ZNF407: variants seen among roughly 807,000 people sequenced by gnomAD.
ZNF407 encodes the protein zinc finger protein 407.
ZNF407 carries 17 observed loss-of-function variants against 131.2 expected under a neutral mutation model. That is an observed-to-expected ratio of 0.13 (90% CI 0.09 to 0.19). The LOEUF (loss-of-function observed/expected upper bound fraction) is 0.19. Among genes scored for constraint, ZNF407 ranks in the 10% least tolerant of loss-of-function variants. The probability of loss-of-function intolerance (pLI) is 1.00; values close to 1 mark genes in which losing one functional copy is unlikely to be tolerated. For missense variants in ZNF407, 2,681 were observed against 2,830.6 expected (o/e 0.95, Z 1.20); for synonymous variants, 1,156 against 1,062.0 (o/e 1.09, Z -1.72).
intron 8 of ZNF407, among the ~76,000 whole-genome samples, chr18:75,037,746 G>A (rs760922197): frequency 1.3e-5 from 2 of 152,138 alleles, no homozygotes; most frequent in Non-Finnish European, 2.9e-5. Context: ...GAAAGACTGC[G>A]ATCTGTGCCT....
rs375736937 is a variant in ZNF407 at position 74,891,761 on chromosome 18, G to A, written c.5249+1723G>A. Among the ~76,000 whole-genome samples, 47 of 152,252 alleles carry A rather than the reference G, an allele frequency of 3.1e-4. 2 individuals carry two copies. The South Asian group carries it at 9.3e-3, about 30-fold the overall frequency. ...AGATCATGCAGTAGTTGGAGTTCTT[G>A]TAAAACACAGAAAAGCCATTAGAAA... On this transcript the variant is annotated intron_variant, in intron 7 of 8. Coordinates refer to ENST00000299687, the MANE Select transcript of ZNF407 (RefSeq NM_017757.3).
At chr18:74,849,183 A>G (rs1015701635) in intron 4 of ZNF407, among the ~76,000 whole-genome samples, 3 of 151,184 alleles carry the variant, frequency 2.0e-5, no homozygotes, top group African/African-American at 4.9e-5. Flanking sequence ...GTTTCAAGCA[A>G]TTCTCCTGCC....
rs1014534385 is a variant in ZNF407 at position 74,618,118 on chromosome 18, A to G, written c.-53-12849A>G. Among the ~76,000 whole-genome samples the G allele has an allele frequency of 4.6e-5, 7 of 152,102 alleles. No individual in the cohort carries two copies. The East Asian group carries it at 5.8e-4, about 13-fold the overall frequency. On this transcript the variant is annotated intron_variant, in intron 1 of 8. Coordinates refer to ENST00000299687, the MANE Select transcript of ZNF407 (RefSeq NM_017757.3). ...GGGACCGCATTATTTGGGTGCTCCA[A>G]TTGTCCGAGATTTGGTCAGGGGAAG...
chr18:75,054,035 G>A (rs944188262), intron 8 of ZNF407, among the ~76,000 whole-genome samples: 6 of 152,206 alleles, frequency 3.9e-5, no homozygotes, highest in Non-Finnish European at 7.3e-5. Flanking sequence ...CAAAGAGCCC[G>A]GGCCTTCCCG....
intron 8 of ZNF407, among the ~76,000 whole-genome samples, chr18:74,935,367 A>G (rs1444828951): frequency 1.3e-5 from 2 of 152,216 alleles, no homozygotes; most frequent in Non-Finnish European, 2.9e-5. Context: ...TTCTTAGAGC[A>G]TCTGGTCAAC....
At chr18:74,833,148 CACA>C (rs1970508832) in intron 4 of ZNF407, among the ~76,000 whole-genome samples, 1 of 152,164 alleles carries the variant, frequency 6.6e-6, no homozygotes, top group Non-Finnish European at 1.5e-5. Flanking sequence ...GAATAGATTA[CACA>C]ACAAGGAAAG....
intron 1 of ZNF407, among the ~76,000 whole-genome samples, chr18:74,604,296 G>A (rs1210164034): frequency 6.6e-6 from 1 of 152,164 alleles, no homozygotes; most frequent in Non-Finnish European, 1.5e-5. Flanking sequence ...GCATCCGTGT[G>A]GCAAGTTCCC....
chr18:75,028,981 C>T (rs1973204519), intron 8 of ZNF407, among the ~76,000 whole-genome samples: 1 of 152,202 alleles, frequency 6.6e-6, no homozygotes, highest in Non-Finnish European at 1.5e-5. Flanking sequence ...TCGGGATATT[C>T]TGCCCACAGA....
chr18:74,666,379 G>A (rs933256263), intron 3 of ZNF407, among the ~76,000 whole-genome samples: 3 of 152,164 alleles, frequency 2.0e-5, no homozygotes, highest in Admixed American at 2.0e-4. Context: ...TCTGTGTTCA[G>A]GTAGAGAGGA....
rs539971868 is a variant in ZNF407 at position 74,792,354 on chromosome 18, GTTAA to G, written c.4877+10857_4877+10860del. On this transcript the variant is annotated intron_variant, in intron 4 of 8. Transcript: ENST00000299687. ...AAATTAGACCCAAATTTTCTTTGAA[GTTAA>G]TTAAAACAATAATTTCTCCTTTCAT... Among the ~76,000 whole-genome samples the G allele has an allele frequency of 1.1e-3, 171 of 151,720 alleles. 2 individuals are homozygous for G. Among genetic ancestry groups the G allele is most frequent in the South Asian group, 3.3e-3 (16 of 4,782 alleles).
At chr18:74,981,686 C>T (rs1015166840) in intron 8 of ZNF407, among the ~76,000 whole-genome samples, 2 of 152,112 alleles carry the variant, frequency 1.3e-5, no homozygotes, top group African/African-American at 2.4e-5. Context: ...GGGGAGGACG[C>T]GGCGTGGACC....
At chr18:74,726,594 G>A (rs1968164349) in intron 3 of ZNF407, among the ~76,000 whole-genome samples, 1 of 152,106 alleles carries the variant, frequency 6.6e-6, no homozygotes, top group Non-Finnish European at 1.5e-5. Flanking sequence ...AACATGCCTT[G>A]TTTTGCTACC....
chr18:75,035,626 G>T (rs1973299407), intron 8 of ZNF407, among the ~76,000 whole-genome samples: 1 of 152,230 alleles, frequency 6.6e-6, no homozygotes, highest in Non-Finnish European at 1.5e-5. Flanking sequence ...TTTTAAAGGT[G>T]AGAAACTGCC....
chr18:74,787,199 C>T (rs1034685310), intron 4 of ZNF407, among the ~76,000 whole-genome samples: 1 of 152,046 alleles, frequency 6.6e-6, no homozygotes, highest in Non-Finnish European at 1.5e-5. Flanking sequence ...CATCTAAAGC[C>T]GAAGTGTTTA....
At chr18:74,983,313 G>T (rs774773838) in intron 8 of ZNF407, among the ~76,000 whole-genome samples, 13 of 152,156 alleles carry the variant, frequency 8.5e-5, no homozygotes, top group African/African-American at 1.2e-4. Context: ...CCCCATTAAG[G>T]TAGGCACAGT....
At chr18:74,897,653 C>G (rs1971470564) in intron 7 of ZNF407, among the ~76,000 whole-genome samples, 1 of 152,094 alleles carries the variant, frequency 6.6e-6, no homozygotes, top group South Asian at 2.1e-4. Flanking sequence ...GGGCAATAGT[C>G]TCTTGCATAA....
At chr18:74,889,005 C>CT (rs1568256389) in intron 6 of ZNF407, among the ~76,000 whole-genome samples, 1 of 152,106 alleles carries the variant, frequency 6.6e-6, no homozygotes, top group African/African-American at 2.4e-5. Context: ...GGTTATAACA[C>CT]TGTGTTTTTA....
intron 7 of ZNF407, among the ~76,000 whole-genome samples, chr18:74,890,804 G>T (rs537120129): frequency 6.6e-5 from 10 of 152,328 alleles, no homozygotes; most frequent in African/African-American, 2.4e-4. Flanking sequence ...CCCAGGTGAA[G>T]TCCTCACAGA....
At chr18:74,832,544 T>G (rs1970500406) in intron 4 of ZNF407, among the ~76,000 whole-genome samples, 1 of 152,096 alleles carries the variant, frequency 6.6e-6, no homozygotes, top group Non-Finnish European at 1.5e-5. Flanking sequence ...AGCCTTAAAC[T>G]CTTGAGCTCA....
Sources: allele counts gnomAD v4.1 joint callset (sites outside exome capture counted in the v4.1 genomes callset), GRCh38; gene constraint gnomAD v4.1.1; transcripts MANE v1.5; gene names NCBI Gene and HGNC (gene_info 2026-07-23, HGNC 2026-07-21).